The following GLIS3 variants were observed in gnomAD, a reference collection of about 807,000 sequenced individuals.
GLIS3 encodes GLIS family zinc finger 3, also known as zinc finger protein GLIS3.
In GLIS3, 53 loss-of-function variants were observed where a neutral mutation model predicts 78.6. The ratio of observed to expected loss-of-function variants is 0.67; its 90% CI spans 0.54 to 0.85. The LOEUF is 0.85. GLIS3 is among the 40% of genes least tolerant of loss of function. GLIS3 has a pLI of 0.00. For synonymous variants in GLIS3, 684 were observed against 509.9 expected (o/e 1.34, Z -4.60); for missense variants, 1,703 against 1,231.1 (o/e 1.38, Z -5.74).
At chr9:4,363,595 A>G in the GLIS3 span, among the ~76,000 whole-genome samples, 1 of 152,228 alleles carries the variant, frequency 6.6e-6, no homozygotes, top group Non-Finnish European at 1.5e-5. Context: ...TATTGCAGCA[A>G]TAAGAGTCCT....
intron 1 of GLIS3, among the ~76,000 whole-genome samples, chr9:4,295,560 T>A (rs560540352): frequency 1.6e-4 from 25 of 152,166 alleles, no homozygotes; most frequent in East Asian, 9.6e-4. Context: ...AGATTTTTTT[T>A]AAAAAAACCA....
rs1011883075 is a variant in GLIS3, at chr9:3,827,547, A to G, written c.*725T>C. On this transcript the variant is annotated 3_prime_UTR_variant, in exon 11 of 11. Transcript: ENST00000381971. ...CCAGGCAGAACCACAGCTGTGCAAA[A>G]TGTCTATAGCTGGGGTGATTACAAT... is the stretch of plus-strand genomic sequence containing the variant. 6.6e-6 allele frequency: 1 copy of G among 152,662 alleles called. No homozygotes were observed. Among genetic ancestry groups the G allele is most frequent in the Middle Eastern group, 3.2e-3 (1 of 316 alleles). The allele number at this position is 152,662 out of a possible 1,614,324, so 9.5% of individuals were successfully genotyped here. A position where few individuals can be genotyped will look rare whatever the true frequency, so the allele number is the denominator to read the frequency against.
chr9:4,106,295 C>T (rs552813986), intron 4 of GLIS3, among the ~76,000 whole-genome samples: 126 of 152,244 alleles, frequency 8.3e-4, no homozygotes, highest in African/African-American at 2.9e-3. Flanking sequence ...TACGTGACGC[C>T]TCCTAATTAG....
chr9:4,305,566 T>A (rs1394677999), intron 4 of GLIS3: 1 of 152,206 alleles, frequency 6.6e-6, no homozygotes, highest in Non-Finnish European at 1.5e-5. Flanking sequence ...GAATGGCTCA[T>A]AAATCTGGGC....
At chr9:4,408,152 G>A in the GLIS3 span, among the ~76,000 whole-genome samples, 9 of 152,100 alleles carry the variant, frequency 5.9e-5, no homozygotes, top group South Asian at 2.1e-4. Context: ...GGGAACCCTC[G>A]TACGCTGTCA....
the GLIS3 span, among the ~76,000 whole-genome samples, chr9:4,483,916 C>T: frequency 3.6e-4 from 55 of 152,144 alleles, 1 homozygote; most frequent in African/African-American, 1.3e-3. Flanking sequence ...CTTCCAGCAG[C>T]CTCATGAAGA....
intron 4 of GLIS3, among the ~76,000 whole-genome samples, chr9:4,030,112 T>C (rs976918682): frequency 6.6e-6 from 1 of 152,196 alleles, no homozygotes; most frequent in East Asian, 1.9e-4. Context: ...GAATTTGTTA[T>C]TGCCTGTCTT....
chr9:4,006,398 C>T (rs1821555871), intron 4 of GLIS3, among the ~76,000 whole-genome samples: 1 of 145,290 alleles, frequency 6.9e-6, no homozygotes, highest in Admixed American at 6.9e-5. Context: ...AATGGGTAAA[C>T]TAGTCAAGAA....
At chr9:4,397,166 C>T in the GLIS3 span, among the ~76,000 whole-genome samples, 2 of 140,376 alleles carry the variant, frequency 1.4e-5, 1 homozygote, top group South Asian at 4.6e-4. Flanking sequence ...GCTGGGACTA[C>T]AGGTGCCCGC....
chr9:4,221,026 C>G (rs1259436223), intron 2 of GLIS3, among the ~76,000 whole-genome samples: 1 of 151,972 alleles, frequency 6.6e-6, no homozygotes, highest in Non-Finnish European at 1.5e-5. Flanking sequence ...TGGGTTGGAT[C>G]TTAGTGCAAA....
At chr9:4,206,778 C>G (rs752286046) in intron 2 of GLIS3, among the ~76,000 whole-genome samples, 1 of 152,096 alleles carries the variant, frequency 6.6e-6, no homozygotes, top group Non-Finnish European at 1.5e-5. Context: ...CATCAGTTTA[C>G]CAAGAGCTGA....
intron 2 of GLIS3, among the ~76,000 whole-genome samples, chr9:4,242,480 G>A (rs72691863): frequency 0.025 from 3,860 of 152,160 alleles, 88 homozygotes; most frequent in African/African-American, 0.048. Context: ...AAAGCCCCAC[G>A]TTCCACCAAA....
chr9:4,189,992 C>A (rs1371320629), intron 2 of GLIS3, among the ~76,000 whole-genome samples: 2 of 152,062 alleles, frequency 1.3e-5, no homozygotes, highest in African/African-American at 4.8e-5. Flanking sequence ...AGAAGGAAAA[C>A]CAACAAACAG....
intron 4 of GLIS3, among the ~76,000 whole-genome samples, chr9:3,960,343 C>T (rs1817464435): frequency 6.6e-6 from 1 of 152,202 alleles, no homozygotes; most frequent in Non-Finnish European, 1.5e-5. Flanking sequence ...CAATAAATTT[C>T]TGTTACTTAA....
chr9:3,915,734 C>G (rs1219494679), intron 6 of GLIS3, among the ~76,000 whole-genome samples: 1 of 152,172 alleles, frequency 6.6e-6, no homozygotes, highest in African/African-American at 2.4e-5. Context: ...AGTAATTTCA[C>G]ATTCTGACAT....
chr9:3,928,807 C>T (rs1825422506), intron 6 of GLIS3, among the ~76,000 whole-genome samples: 1 of 152,180 alleles, frequency 6.6e-6, no homozygotes, highest in African/African-American at 2.4e-5. Flanking sequence ...GTTTAACAAA[C>T]ATTTAACAAA....
At chr9:4,087,647 AAAC>A (rs1829147547) in intron 4 of GLIS3, among the ~76,000 whole-genome samples, 1 of 152,236 alleles carries the variant, frequency 6.6e-6, no homozygotes, top group South Asian at 2.1e-4. Context: ...AAAAGTTAAA[AAAC>A]AACAGATTTA....
chr9:4,470,115 A>G, the GLIS3 span, among the ~76,000 whole-genome samples: 5 of 152,130 alleles, frequency 3.3e-5, no homozygotes, highest in African/African-American at 1.2e-4. Flanking sequence ...ATAATTAATA[A>G]CCCACCAACC....
At chr9:4,283,419 C>T (rs1161551872) in intron 2 of GLIS3, among the ~76,000 whole-genome samples, 1 of 152,120 alleles carries the variant, frequency 6.6e-6, no homozygotes, top group African/African-American at 2.4e-5. Context: ...GCGCCCACCA[C>T]CACACCCGGC....
Sources: allele counts gnomAD v4.1 joint callset (sites outside exome capture counted in the v4.1 genomes callset), GRCh38; gene constraint gnomAD v4.1.1; transcripts MANE v1.5; gene names NCBI Gene and HGNC (gene_info 2026-07-23, HGNC 2026-07-21).